DIP2B: variants seen among roughly 807,000 people sequenced by gnomAD.
DIP2B encodes disco-interacting protein 2 homolog B.
A neutral mutation model predicts 198.0 loss-of-function variants in DIP2B; 76 were observed. The ratio of observed to expected loss-of-function variants is 0.38; its 90% CI spans 0.32 to 0.46. The LOEUF is 0.46. Ranked by LOEUF, DIP2B falls within the 20% of genes least tolerant of loss-of-function variation. The pLI, the probability that DIP2B is intolerant of heterozygous loss-of-function variation, is 0.99. For synonymous variants in DIP2B, 701 were observed against 739.1 expected, an observed-to-expected ratio of 0.95 and a Z score of 0.84; for missense variants, 1,559 against 1,978.4, an observed-to-expected ratio of 0.79 and a Z score of 4.02.
chr12:50,732,856 A>C (rs913666438), intron 32 of DIP2B, among the ~76,000 whole-genome samples: 1 of 151,970 alleles, frequency 6.6e-6, no homozygotes, highest in Non-Finnish European at 1.5e-5. Context: ...CGAGTCACAA[A>C]GATTTGAGTC....
chr12:50,579,713 A>T (rs1958705430), intron 1 of DIP2B, among the ~76,000 whole-genome samples: 2 of 105,984 alleles, frequency 1.9e-5, no homozygotes, highest in Non-Finnish European at 3.7e-5. Context: ...ATATATATAT[A>T]TATATACATA....
At position 50,746,811 on chromosome 12, in the gene DIP2B, C is replaced by G. The variant is rs1940347024; in HGVS notation, c.*1972C>G. 6.6e-6 allele frequency: 1 copy of G among 152,166 alleles called. No individual in the cohort carries two copies. The highest frequency in any genetic ancestry group is 2.4e-5 in the African/African-American group (1 of 41,434). 9.4% of individuals were successfully genotyped at this position (152,166 alleles called of 1,614,324 possible). On this transcript the variant is annotated 3_prime_UTR_variant, in exon 38 of 38. Transcript: ENST00000301180. ...CTAAACAAAGCAGGGGATCCTGAAG[C>G]TGATATAAATAAGTCTAGCTCTATA...
Position 50,601,843 on chromosome 12 carries a change from A to C in DIP2B, c.101-24133A>C, listed in dbSNP as rs184847678. ...TTAAATCTTACCCTATCTCATGCCC[A>C]GCTTCCAATGACCCCAGTCTGTTTG... On this transcript the variant is annotated intron_variant, in intron 1 of 37. Coordinates refer to ENST00000301180, the MANE Select transcript of DIP2B (RefSeq NM_173602.3). Among the ~76,000 whole-genome samples the C allele has an allele frequency of 2.3e-3, 343 of 152,310 alleles. 3 individuals are homozygous for C. The highest frequency in any genetic ancestry group is 6.8e-3 in the Middle Eastern group (2 of 294).
At chr12:50,578,255 C>T (rs1194434108) in intron 1 of DIP2B, among the ~76,000 whole-genome samples, 1 of 152,184 alleles carries the variant, frequency 6.6e-6, no homozygotes, top group South Asian at 2.1e-4. Context: ...GTATCACCTG[C>T]CTCGGGCTCC....
At chr12:50,547,415 A>G (rs1304239325) in intron 1 of DIP2B, among the ~76,000 whole-genome samples, 4 of 152,226 alleles carry the variant, frequency 2.6e-5, no homozygotes, top group Non-Finnish European at 5.9e-5. Flanking sequence ...ATGTCTAGGA[A>G]TCTGTCCCTC....
intron 4 of DIP2B, among the ~76,000 whole-genome samples, chr12:50,664,317 G>T (rs958858323): frequency 2.1e-4 from 32 of 152,172 alleles, no homozygotes; most frequent in Non-Finnish European, 4.6e-4. Flanking sequence ...CACCTGATAA[G>T]ATGTCAGTCA....
chr12:50,685,425 A>G (rs1399643868), intron 10 of DIP2B, among the ~76,000 whole-genome samples: 2 of 152,188 alleles, frequency 1.3e-5, no homozygotes, highest in African/African-American at 4.8e-5. Context: ...TTGGACATTT[A>G]GTATCCATTT....
intron 7 of DIP2B, 59 bp from the exon 8 acceptor site, chr12:50,678,620 C>T: frequency 6.5e-7 from 1 of 1,538,742 alleles, no homozygotes; most frequent in East Asian, 2.3e-5. Flanking sequence ...GATTAGAGAC[C>T]TAAGTTGTGT....
intron 4 of DIP2B, among the ~76,000 whole-genome samples, chr12:50,660,997 G>A (rs1252697196): frequency 6.6e-6 from 1 of 152,068 alleles, no homozygotes; most frequent in African/African-American, 2.4e-5. Flanking sequence ...TAAATTTAAA[G>A]AGTTATAACT....
chr12:50,518,625 G>A (rs893537242), intron 1 of DIP2B, among the ~76,000 whole-genome samples: 1 of 152,226 alleles, frequency 6.6e-6, no homozygotes, highest in Non-Finnish European at 1.5e-5. Context: ...AAGCCCTGTG[G>A]TGTTTCCACA....
At chr12:50,593,299 G>A (rs1958835361) in intron 1 of DIP2B, among the ~76,000 whole-genome samples, 2 of 152,106 alleles carry the variant, frequency 1.3e-5, no homozygotes, top group Admixed American at 1.3e-4. Context: ...GAGGTCAAGA[G>A]ATCGAGACCA....
chr12:50,627,304 A>G (rs1198833319), intron 2 of DIP2B, among the ~76,000 whole-genome samples: 3 of 152,176 alleles, frequency 2.0e-5, no homozygotes, highest in Non-Finnish European at 4.4e-5. Flanking sequence ...AAACCAAATC[A>G]TGTTCAAAAA....
At chr12:50,541,619 G>A (rs1263239773) in intron 1 of DIP2B, among the ~76,000 whole-genome samples, 6 of 152,058 alleles carry the variant, frequency 3.9e-5, no homozygotes, top group Admixed American at 3.9e-4. Flanking sequence ...CACCTTTCTA[G>A]ATTTGGAACT....
chr12:50,643,026 C>CTG (rs10651157), intron 3 of DIP2B, among the ~76,000 whole-genome samples: 85,065 of 149,700 alleles, frequency 0.57, 25,744 homozygotes, highest in East Asian at 0.68. Context: ...CTGGGAGTTT[C>CTG]TGTGTGTGTG....
rs972620231 is a variant in DIP2B, at chr12:50,505,186, C to T, written c.46C>T (p.Leu16=). 6.6e-7 allele frequency: 1 copy of T among 1,525,838 alleles called. No homozygotes were observed. The highest frequency in any genetic ancestry group is 8.8e-7 in the Non-Finnish European group (1 of 1,142,034). 94.5% of individuals were successfully genotyped at this position (1,525,838 alleles called of 1,614,324 possible). The change falls in exon 1 of 38, where the codon CTG becomes TTG. Residue 16 remains leucine (L), a synonymous_variant. Transcript: ENST00000301180. ...GCCGTCGCCGGCCGCGGTGGCGGCGCTGCCGCCTGAAGTGCGGGCGCAGCT... is the reference window on the plus strand; with the variant it reads ...GCCGTCGCCGGCCGCGGTGGCGGCGTTGCCGCCTGAAGTGCGGGCGCAGCT... ...LEPSPAAVAA[L]PPEVRAQLAE... is the part of the protein sequence containing the mutation.
At chr12:50,662,655 G>A (rs932977546) in intron 4 of DIP2B, among the ~76,000 whole-genome samples, 15 of 152,216 alleles carry the variant, frequency 9.9e-5, no homozygotes, top group African/African-American at 3.4e-4. Flanking sequence ...ACCCAGCGAT[G>A]TGGAATAGGT....
At chr12:50,538,002 AACAAGGATGGAT>A in intron 1 of DIP2B, among the ~76,000 whole-genome samples, 1 of 151,828 alleles carries the variant, frequency 6.6e-6, no homozygotes, top group Non-Finnish European at 1.5e-5. Context: ...AGGAATAAAG[AACAAGGATGGAT>A]TCAAAAGAGT....
intron 3 of DIP2B, among the ~76,000 whole-genome samples, chr12:50,642,877 C>G (rs148771010): frequency 2.0e-5 from 3 of 152,210 alleles, no homozygotes; most frequent in Admixed American, 6.5e-5. Context: ...TCAGGTGCAC[C>G]CCTTTGTTGC....
At chr12:50,670,726 C>T (rs944756242) in intron 4 of DIP2B, among the ~76,000 whole-genome samples, 8 of 152,078 alleles carry the variant, frequency 5.3e-5, no homozygotes, top group East Asian at 1.9e-4. Flanking sequence ...CTGGCACATA[C>T]GTTTTTAGCA....
Sources: allele counts gnomAD v4.1 joint callset (sites outside exome capture counted in the v4.1 genomes callset), GRCh38; gene constraint gnomAD v4.1.1; transcripts MANE v1.5; gene names NCBI Gene and HGNC (gene_info 2026-07-23, HGNC 2026-07-21).